The following ERBB4 variants were observed in gnomAD, a reference collection of about 807,000 sequenced individuals.
ERBB4 encodes erb-b2 receptor tyrosine kinase 4.
Under a neutral mutation model 158.0 loss-of-function variants are expected in ERBB4, and 42 were observed. That is an observed-to-expected ratio of 0.27 (90% CI 0.21 to 0.34). The LOEUF is 0.34. Ranked by LOEUF, ERBB4 falls within the 10% of genes least tolerant of loss-of-function variation. The pLI, the probability that ERBB4 is intolerant of heterozygous loss-of-function variation, is 1.00. For missense variants in ERBB4, 1,333 were observed against 1,624.1 expected, an observed-to-expected ratio of 0.82 and a Z score of 3.08; for synonymous variants, 583 against 558.7, an observed-to-expected ratio of 1.04 and a Z score of -0.61.
intron 2 of ERBB4, among the ~76,000 whole-genome samples, chr2:211,948,133 T>C (rs1022896425): frequency 3.3e-5 from 5 of 152,052 alleles, no homozygotes; most frequent in African/African-American, 1.2e-4. Flanking sequence ...ATAAAAAACA[T>C]GTATTAAAAA....
chr2:212,395,715 G>T (rs62186269), intron 1 of ERBB4, among the ~76,000 whole-genome samples: 2 of 148,684 alleles, frequency 1.3e-5, no homozygotes, highest in African/African-American at 2.5e-5. Context: ...TGCCTCCCAG[G>T]TTCAAGCAAT....
rs758295583 is a variant in ERBB4 at position 211,424,160 on chromosome 2, ACCAT to A, written c.2857_2860del (p.Met953SerfsTer5). 6.2e-7 allele frequency: 1 copy of A among 1,613,110 alleles called. No individual in the cohort carries two copies. The highest frequency in any genetic ancestry group is 1.7e-5 in the Admixed American group (1 of 59,946). ...ACATTATTTTGCAGTCTTACATTTG[ACCAT>A]GACCATGTAAACGTCAATAGTGCAG... On this transcript the variant is annotated frameshift_variant, in exon 23 of 28. Coordinates refer to ENST00000342788, the MANE Select transcript of ERBB4 (RefSeq NM_005235.3). LOFTEE classifies it high-confidence loss of function.
chr2:212,307,552 G>A (rs143842267), intron 1 of ERBB4, among the ~76,000 whole-genome samples: 6 of 150,138 alleles, frequency 4.0e-5, no homozygotes, highest in East Asian at 2.0e-4. Context: ...ATGCATTTTC[G>A]CACAGTTTTT....
Position 212,157,951 on chromosome 2 carries a change from G to GT in ERBB4, c.83-33049dup, listed in dbSNP as rs2081091628. Among the ~76,000 whole-genome samples the GT allele has an allele frequency of 6.6e-5, 10 of 152,114 alleles. 1 individual carries two copies. In the South Asian group the frequency reaches 2.1e-3, roughly 32 times the overall value. On this transcript the variant is annotated intron_variant, in intron 1 of 27. Transcript: ENST00000342788. The stretch of plus-strand genomic sequence containing the variant: ...AAACTAAATACACAAATCTGATTCT[G>GT]TCACCATGTTGCCTATACAACTGAG...
intron 4 of ERBB4, among the ~76,000 whole-genome samples, chr2:211,766,517 C>T (rs2075553141): frequency 6.6e-6 from 1 of 152,200 alleles, no homozygotes; most frequent in Non-Finnish European, 1.5e-5. Flanking sequence ...TATTCATAAA[C>T]ATCTTCCTTT....
intron 4 of ERBB4, among the ~76,000 whole-genome samples, chr2:211,786,024 A>G (rs1358970510): frequency 6.6e-6 from 1 of 152,202 alleles, no homozygotes; most frequent in Non-Finnish European, 1.5e-5. Context: ...TGTTTTAGTA[A>G]TTTAGACAGA....
At chr2:212,153,632 G>A (rs769211810) in intron 1 of ERBB4, among the ~76,000 whole-genome samples, 7 of 152,038 alleles carry the variant, frequency 4.6e-5, no homozygotes, top group Admixed American at 6.6e-5. Flanking sequence ...AAGTAATTGC[G>A]TTTTTTGTCA....
chr2:211,555,404 C>T lies in ERBB4; in HGVS notation c.2487+6499G>A, dbSNP rs970048411. The stretch of plus-strand genomic sequence containing the variant: ...TTCTCCATGTTGGTCAGGCTGGTCT[C>T]GAACTCCTGACCTCAGGTGATCCAT... On this transcript the variant is annotated intron_variant, in intron 20 of 27. Transcript: ENST00000342788. Among the ~76,000 whole-genome samples, 9 of 152,142 alleles carry T rather than the reference C, an allele frequency of 5.9e-5. No individual in the cohort carries two copies. In the East Asian group the frequency reaches 1.2e-3, roughly 20 times the overall value.
At chr2:212,200,983 T>A in intron 1 of ERBB4, among the ~76,000 whole-genome samples, 1 of 152,300 alleles carries the variant, frequency 6.6e-6, no homozygotes, top group South Asian at 2.1e-4. Flanking sequence ...GTAGCACTTG[T>A]GAAAAACATT....
chr2:212,066,049 T>C (rs1463187004), intron 2 of ERBB4, among the ~76,000 whole-genome samples: 12 of 152,122 alleles, frequency 7.9e-5, no homozygotes, highest in Admixed American at 7.2e-4. Context: ...ACAAAGTGAC[T>C]GCTGGACAGT....
At chr2:212,206,360 T>C (rs2082744702) in intron 1 of ERBB4, among the ~76,000 whole-genome samples, 1 of 152,118 alleles carries the variant, frequency 6.6e-6, no homozygotes, top group African/African-American at 2.4e-5. Flanking sequence ...TTAAGCAAAT[T>C]ATGTAGTTAC....
At chr2:211,750,339 G>T (rs2075096525) in intron 5 of ERBB4, among the ~76,000 whole-genome samples, 1 of 152,106 alleles carries the variant, frequency 6.6e-6, no homozygotes, top group Non-Finnish European at 1.5e-5. Context: ...TTACTATTTT[G>T]TACACATTGG....
At chr2:212,122,342 G>A (rs2079782355) in intron 2 of ERBB4, among the ~76,000 whole-genome samples, 2 of 150,050 alleles carry the variant, frequency 1.3e-5, no homozygotes, top group Non-Finnish European at 3.0e-5. Flanking sequence ...TGACATGAAT[G>A]GGTACATGTC....
At chr2:211,895,243 G>A (rs138761409) in intron 3 of ERBB4, among the ~76,000 whole-genome samples, 7 of 152,136 alleles carry the variant, frequency 4.6e-5, no homozygotes, top group Non-Finnish European at 1.0e-4. Flanking sequence ...ACAACACTTA[G>A]CAATGGTCCC....
chr2:212,491,016 C>T (rs960529454), intron 1 of ERBB4, among the ~76,000 whole-genome samples: 2 of 151,612 alleles, frequency 1.3e-5, no homozygotes, highest in African/African-American at 4.8e-5. Flanking sequence ...TTCACAGATG[C>T]TGTTATTACT....
chr2:211,703,268 C>T (rs953191682), intron 11 of ERBB4, among the ~76,000 whole-genome samples: 7 of 152,074 alleles, frequency 4.6e-5, no homozygotes, highest in South Asian at 4.1e-4. Context: ...ATTTATTCAA[C>T]GGATAGTAAA....
chr2:212,288,816 AAG>A (rs141995298), intron 1 of ERBB4, among the ~76,000 whole-genome samples: 3,381 of 152,136 alleles, frequency 0.022, 115 homozygotes, highest in African/African-American at 0.077. Flanking sequence ...CCTACCTAAA[AAG>A]AGTTTCCCAC....
chr2:212,316,291 C>A (rs569590263), intron 1 of ERBB4, among the ~76,000 whole-genome samples: 30 of 151,550 alleles, frequency 2.0e-4, no homozygotes, highest in African/African-American at 6.5e-4. Context: ...CACACACACA[C>A]TGCAAGGGTG....
intron 1 of ERBB4, among the ~76,000 whole-genome samples, chr2:212,460,525 C>T (rs1043067419): frequency 3.9e-5 from 6 of 152,102 alleles, no homozygotes; most frequent in South Asian, 2.1e-4. Flanking sequence ...CAAGGTGACT[C>T]TTGTTATATT....
Sources: allele counts gnomAD v4.1 joint callset (sites outside exome capture counted in the v4.1 genomes callset), GRCh38; gene constraint gnomAD v4.1.1; transcripts MANE v1.5; gene names NCBI Gene and HGNC (gene_info 2026-07-23, HGNC 2026-07-21).